TBC1D20: variants seen among roughly 807,000 people sequenced by gnomAD.
TBC1D20 encodes the protein TBC1 domain family member 20.
Under a neutral mutation model 41.6 loss-of-function variants are expected in TBC1D20, and 12 were observed. The observed-to-expected ratio is 0.29, with a 90% CI of 0.18 to 0.47. TBC1D20 has a LOEUF of 0.47. TBC1D20 is among the 20% of genes least tolerant of loss of function. The pLI, the probability that TBC1D20 is intolerant of heterozygous loss-of-function variation, is 1.00. For synonymous variants in TBC1D20, 205 were observed against 204.8 expected, an observed-to-expected ratio of 1.00 and a Z score of -0.01; for missense variants, 421 against 517.4, an observed-to-expected ratio of 0.81 and a Z score of 1.81.
intron 1 of TBC1D20, among the ~76,000 whole-genome samples, chr20:459,045 T>C (rs542589481): frequency 2.5e-4 from 38 of 152,164 alleles, no homozygotes; most frequent in East Asian, 5.8e-4. Flanking sequence ...CACTGTGACA[T>C]AAAAAGGGAA....
intron 1 of TBC1D20, among the ~76,000 whole-genome samples, chr20:450,066 T>C (rs182245074): frequency 1.1e-4 from 16 of 152,146 alleles, no homozygotes; most frequent in African/African-American, 3.1e-4. Context: ...TCACCAAAAC[T>C]CGATACTACA....
chr20:439,121 G>A lies in TBC1D20; in HGVS notation c.943C>T (p.Gln315Ter). Residue 315 changes from glutamine to a stop codon, truncating the protein, a stop_gained, in exon 7 of 8, where the codon CAG (glutamine) becomes TAG (stop). Transcript: ENST00000354200. LOFTEE classifies it high-confidence loss of function. This position sits in a 1 kb window ranked among gnomAD's most constrained non-coding sequence, Gnocchi z 4.6. ...AGCCTTGCTCACCTCTCAGCTTGCT[G>A]TTGGGCAGCGGCCTCCCGAGCAAGT... ...SELAREAAAQ[Q>*]QAERTAASTF... The A allele has an allele frequency of 6.2e-7, 1 of 1,612,506 alleles. No individual in the cohort carries two copies. The highest frequency in any genetic ancestry group is 8.5e-7 in the Non-Finnish European group (1 of 1,179,146).
At chr20:456,958 CAG>C (rs1343871977) in intron 1 of TBC1D20, among the ~76,000 whole-genome samples, 1 of 131,054 alleles carries the variant, frequency 7.6e-6, no homozygotes, top group Non-Finnish European at 1.6e-5. Context: ...TTTTTTGAGA[CAG>C]AGTTTCACTC....
At chr20:453,069 C>G (rs752049265) in intron 1 of TBC1D20, among the ~76,000 whole-genome samples, 1 of 141,346 alleles carries the variant, frequency 7.1e-6, no homozygotes, top group Non-Finnish European at 1.5e-5. Context: ...TCGCTTGAAC[C>G]CAGGGGGCGG....
At chr20:459,096 TAC>T (rs1365463280) in intron 1 of TBC1D20, among the ~76,000 whole-genome samples, 8 of 152,174 alleles carry the variant, frequency 5.3e-5, no homozygotes, top group Non-Finnish European at 5.9e-5. Flanking sequence ...ATGTATGAAT[TAC>T]AGAGTGAGAT....
chr20:444,622 A>G (rs1389441779), intron 3 of TBC1D20, among the ~76,000 whole-genome samples: 1 of 152,124 alleles, frequency 6.6e-6, no homozygotes, highest in African/African-American at 2.4e-5. Context: ...ATTAAGGAAT[A>G]TACTCTTACA....
At position 438,509 on chromosome 20, in the gene TBC1D20, GA is replaced by G. The variant is rs1163742485; in HGVS notation, c.*76del. On this transcript the variant is annotated 3_prime_UTR_variant, in exon 8 of 8. Coordinates refer to ENST00000354200, the MANE Select transcript of TBC1D20 (RefSeq NM_144628.4). ...CTGGACAGAAACCCTTTTAATAAAG[GA>G]AATTCCACCCCTCCCAATCCTTCCA... The G allele has an allele frequency of 2.0e-6, 3 of 1,513,720 alleles. No homozygotes were observed. Among genetic ancestry groups the G allele is most frequent in the Non-Finnish European group, 2.7e-6 (3 of 1,117,734 alleles). 93.8% of individuals were successfully genotyped at this position (1,513,720 alleles called of 1,614,324 possible). A position where few individuals can be genotyped will look rare whatever the true frequency, so the allele number is the denominator to read the frequency against.
chr20:450,152 GA>G (rs1407656543), intron 1 of TBC1D20, among the ~76,000 whole-genome samples: 1 of 150,964 alleles, frequency 6.6e-6, no homozygotes, highest in South Asian at 2.1e-4. Flanking sequence ...ATCACATAGA[GA>G]TTTTTTTTTT....
rs2122379178 is a variant in TBC1D20 at position 438,732 on chromosome 20, T to C, written c.1066A>G (p.Lys356Glu). Reference protein sequence around the residue: ...RGLLRPEDRTKDVLTKPRTNR... With the variant: ...RGLLRPEDRTEDVLTKPRTNR... ...GTCCTTGGCTTGGTCAGGACATCTT[T>C]TGTTCGATCTTCAGGCCGCAGAAGT... Residue 356 changes from lysine (K) to glutamate (E), a missense_variant, in exon 8 of 8, where the codon AAA becomes GAA. Lys to Glu is a moderately conservative substitution (Grantham distance 56). Coordinates refer to ENST00000354200, the MANE Select transcript of TBC1D20 (RefSeq NM_144628.4). 2.5e-6 allele frequency: 4 copies of C among 1,614,182 alleles called. No homozygotes were observed. In the South Asian group the frequency reaches 3.3e-5, roughly 13 times the overall value.
Position 453,153 on chromosome 20 carries a change from C to CAAAAAAA in TBC1D20, c.71-5086_71-5080dup, listed in dbSNP as rs71191943. Among the ~76,000 whole-genome samples the CAAAAAAA allele has an allele frequency of 8.0e-4, 36 of 44,854 alleles. 2 individuals carry two copies. Among genetic ancestry groups the CAAAAAAA allele is most frequent in the East Asian group, 5.5e-3 (5 of 916 alleles). The allele number at this position is 44,854 out of a possible 152,430, so 29.4% of individuals were successfully genotyped here. On this transcript the variant is annotated intron_variant, in intron 1 of 7. Transcript: ENST00000354200. ...GGGCAACAAGAGCGAAACTCCGTTTCAAAAAAAAAAAAAAAAAAAAAAAAA... is the reference window on the plus strand; with the variant it reads ...GGGCAACAAGAGCGAAACTCCGTTTCAAAAAAAAAAAAAAAAAAAAAAAAAAAAAAAA...
At chr20:441,098 AG>A (rs1407058722) in intron 5 of TBC1D20, 6 of 154,278 alleles carry the variant, frequency 3.9e-5, no homozygotes, top group Non-Finnish European at 8.6e-5. Context: ...TCAAAAAAAA[AG>A]AAGGCATAGC....
rs1458256363 is a variant in TBC1D20, at chr20:438,568, G to A, written c.*18C>T. ...GTGAGACCTTAATGTGATGTAAGAG[G>A]AAGGTCTTCTCTGGCTTTCAGGGAA... On this transcript the variant is annotated 3_prime_UTR_variant, in exon 8 of 8. Coordinates refer to ENST00000354200, the MANE Select transcript of TBC1D20 (RefSeq NM_144628.4). 4.3e-6 allele frequency: 7 copies of A among 1,612,146 alleles called. No individual in the cohort carries two copies. Among genetic ancestry groups the A allele is most frequent in the Non-Finnish European group, 5.9e-6 (7 of 1,178,580 alleles).
chr20:446,426 C>T (rs6116017), intron 2 of TBC1D20, among the ~76,000 whole-genome samples: 71,975 of 151,886 alleles, frequency 0.47, 17,404 homozygotes, highest in African/African-American at 0.56. Flanking sequence ...TTGCAACTTC[C>T]GCCTCCTCGG....
chr20:447,503 C>T (rs1276981895), intron 2 of TBC1D20, among the ~76,000 whole-genome samples: 2 of 151,552 alleles, frequency 1.3e-5, no homozygotes, highest in Non-Finnish European at 2.9e-5. Flanking sequence ...ACTAAAAATA[C>T]AAAAATTAGC....
At chr20:451,164 CT>C (rs1172007605) in intron 1 of TBC1D20, among the ~76,000 whole-genome samples, 1 of 152,158 alleles carries the variant, frequency 6.6e-6, no homozygotes, top group Non-Finnish European at 1.5e-5. Flanking sequence ...AGAAGTGTAC[CT>C]TAAAAAGGAA....
chr20:456,142 G>A (rs187572338), intron 1 of TBC1D20, among the ~76,000 whole-genome samples: 10 of 152,034 alleles, frequency 6.6e-5, no homozygotes, highest in Non-Finnish European at 1.3e-4. Flanking sequence ...GCGTGACGGC[G>A]TGCACCTGTA....
At position 441,952 on chromosome 20, in the gene TBC1D20, G is replaced by A. The variant is rs1258723650; in HGVS notation, c.429C>T (p.Tyr143=). ...TGACCACAATGTCATGGTAGCCCTG[G>A]TAGTAGTGCAGCTGAGGGTTGCGCT... ...ILERNPQLHY[Y]QGYHDIVVTF... The change falls in exon 4 of 8, where the codon TAC becomes TAT. Residue 143 remains tyrosine (Y), a synonymous_variant. Coordinates refer to ENST00000354200, the MANE Select transcript of TBC1D20 (RefSeq NM_144628.4). 2 of 1,613,990 alleles carry A rather than the reference G, an allele frequency of 1.2e-6. No homozygotes were observed. The highest frequency in any genetic ancestry group is 2.7e-5 in the African/African-American group (2 of 74,904).
At chr20:454,228 T>C (rs1423465523) in intron 1 of TBC1D20, among the ~76,000 whole-genome samples, 2 of 116,878 alleles carry the variant, frequency 1.7e-5, no homozygotes, top group Non-Finnish European at 3.5e-5. Context: ...GGGTGACAAG[T>C]TCTGTCTCAA....
rs1421502882 is a variant in TBC1D20, at chr20:436,415, G to C, written c.*2171C>G. On this transcript the variant is annotated 3_prime_UTR_variant, in exon 8 of 8. Coordinates refer to ENST00000354200, the MANE Select transcript of TBC1D20 (RefSeq NM_144628.4). Reference sequence around the variant, plus strand: ...TCTTCTCAATGACAGGGAGAATCCTGGTGTCAGCAAAGTTAGAAAACAGAT... The same window carrying C: ...TCTTCTCAATGACAGGGAGAATCCTCGTGTCAGCAAAGTTAGAAAACAGAT... The C allele has an allele frequency of 6.6e-6, 1 of 152,588 alleles. No individual in the cohort carries two copies. The highest frequency in any genetic ancestry group is 1.5e-5 in the Non-Finnish European group (1 of 68,052). The allele number at this position is 152,588 out of a possible 1,614,324, so 9.5% of individuals were successfully genotyped here.
Sources: allele counts gnomAD v4.1 joint callset (sites outside exome capture counted in the v4.1 genomes callset), GRCh38; gene constraint gnomAD v4.1.1; non-coding constraint Gnocchi (gnomAD v3.1); transcripts MANE v1.5; gene names NCBI Gene and HGNC (gene_info 2026-07-23, HGNC 2026-07-21).